ANO10: variants seen among roughly 807,000 people sequenced by gnomAD.
ANO10 encodes the protein anoctamin 10, also known as anoctamin-10.
In ANO10, 77 loss-of-function variants were observed where a neutral mutation model predicts 74.7. The observed-to-expected ratio is 1.03, with a 90% CI of 0.86 to 1.25. The LOEUF (loss-of-function observed/expected upper bound fraction) is 1.25, where lower values mean the gene tolerates loss of function less well. Among genes scored for constraint, ANO10 ranks in the 50% most tolerant of loss-of-function variants. The pLI is 0.00. For synonymous variants in ANO10, 279 were observed against 284.9 expected (o/e 0.98, Z 0.21); for missense variants, 721 against 778.1 (o/e 0.93, Z 0.87).
At chr3:43,514,019 A>G (rs1221062006) in intron 11 of ANO10, among the ~76,000 whole-genome samples, 2 of 150,418 alleles carry the variant, frequency 1.3e-5, no homozygotes, top group African/African-American at 4.9e-5. Flanking sequence ...TATATTAGAA[A>G]TAGCATATTA....
intron 1 of ANO10, among the ~76,000 whole-genome samples, chr3:43,635,578 A>C (rs1319061778): frequency 6.6e-6 from 1 of 151,292 alleles, no homozygotes; most frequent in Non-Finnish European, 1.5e-5. Context: ...CTGACATTAT[A>C]GTTTTGGTTT....
chr3:43,446,448 C>G (rs1378971051), intron 11 of ANO10, among the ~76,000 whole-genome samples: 1 of 151,908 alleles, frequency 6.6e-6, no homozygotes, highest in Non-Finnish European at 1.5e-5. Flanking sequence ...GAGTTTGTAA[C>G]AAAAAAGAGT....
At chr3:43,507,757 T>C (rs925677146) in intron 11 of ANO10, among the ~76,000 whole-genome samples, 2 of 152,082 alleles carry the variant, frequency 1.3e-5, no homozygotes, top group East Asian at 1.9e-4. Flanking sequence ...CTGTGGGTTC[T>C]AGGGGGCCGT....
At chr3:43,532,394 T>C (rs1369159369) in intron 11 of ANO10, among the ~76,000 whole-genome samples, 7 of 152,212 alleles carry the variant, frequency 4.6e-5, no homozygotes, top group African/African-American at 1.2e-4. Context: ...GGTGTATACA[T>C]GCAGGGAGGA....
intron 11 of ANO10, among the ~76,000 whole-genome samples, chr3:43,488,044 A>G (rs2076567040): frequency 2.0e-5 from 3 of 152,120 alleles, no homozygotes; most frequent in Non-Finnish European, 4.4e-5. Flanking sequence ...TCTTTGAAAA[A>G]CCTGACAAAA....
chr3:43,498,935 C>T (rs1002883896), intron 11 of ANO10, among the ~76,000 whole-genome samples: 3 of 152,146 alleles, frequency 2.0e-5, no homozygotes, highest in East Asian at 1.9e-4. Flanking sequence ...TTCTGCAATG[C>T]GACAGTCTTG....
intron 11 of ANO10, among the ~76,000 whole-genome samples, chr3:43,457,828 A>G (rs2075202827): frequency 6.6e-6 from 1 of 152,214 alleles, no homozygotes; most frequent in Non-Finnish European, 1.5e-5. Context: ...TGTTCTGAGG[A>G]GCTGCCACTT....
intron 11 of ANO10, among the ~76,000 whole-genome samples, chr3:43,465,091 T>C (rs1480701923): frequency 6.6e-6 from 1 of 152,234 alleles, no homozygotes; most frequent in Non-Finnish European, 1.5e-5. Context: ...TGTGGTCATG[T>C]ACAGAGTAAA....
At chr3:43,482,031 T>C (rs1335193169) in intron 11 of ANO10, among the ~76,000 whole-genome samples, 1 of 150,922 alleles carries the variant, frequency 6.6e-6, no homozygotes, top group Non-Finnish European at 1.5e-5. Context: ...TGGGTTTAAG[T>C]AATTCTCCTG....
chr3:43,682,780 G>C (rs1302373025), intron 1 of ANO10, among the ~76,000 whole-genome samples: 1 of 152,086 alleles, frequency 6.6e-6, no homozygotes, highest in Non-Finnish European at 1.5e-5. Flanking sequence ...TTCAACATAC[G>C]CAAATCAATA....
intron 12 of ANO10, among the ~76,000 whole-genome samples, chr3:43,370,167 G>A (rs1246125198): frequency 1.3e-5 from 2 of 152,174 alleles, no homozygotes; most frequent in African/African-American, 2.4e-5. Flanking sequence ...CACCCTCCCC[G>A]ATGGGGAAGT....
At chr3:43,557,635 T>A (rs887489142) in intron 9 of ANO10, among the ~76,000 whole-genome samples, 9 of 146,792 alleles carry the variant, frequency 6.1e-5, no homozygotes, top group Non-Finnish European at 1.3e-4. Context: ...TTTGGGAGGC[T>A]GAGGCAGGAG....
intron 1 of ANO10, among the ~76,000 whole-genome samples, chr3:43,620,794 G>A (rs1180619304): frequency 6.6e-6 from 1 of 152,178 alleles, no homozygotes; most frequent in East Asian, 1.9e-4. Flanking sequence ...AAGTTTCAGT[G>A]GGTTTAAGTG....
intron 11 of ANO10, among the ~76,000 whole-genome samples, chr3:43,462,432 T>C (rs1208842594): frequency 6.6e-6 from 1 of 152,114 alleles, no homozygotes; most frequent in Non-Finnish European, 1.5e-5. Flanking sequence ...GGTTTTGCCA[T>C]GTTGGTCAGG....
At chr3:43,507,529 T>C (rs750377456) in intron 11 of ANO10, among the ~76,000 whole-genome samples, 7 of 151,936 alleles carry the variant, frequency 4.6e-5, no homozygotes, top group Non-Finnish European at 1.0e-4. Flanking sequence ...CAGTCAGCAC[T>C]GCCTGGATGC....
chr3:43,545,879 T>C (rs928089606), intron 11 of ANO10, among the ~76,000 whole-genome samples: 1 of 152,224 alleles, frequency 6.6e-6, no homozygotes, highest in Non-Finnish European at 1.5e-5. Context: ...TTTAACATGA[T>C]TTTACAAACT....
rs1274367981 is a variant in ANO10 at position 43,526,671 on chromosome 3, T to C, written c.1797+23049A>G. ...TAAAACGTCCTATGTCTTATGAATA[T>C]GTTCACTTCTTGACACTTCATTCAG... is the stretch of plus-strand genomic sequence containing the variant. On this transcript the variant is annotated intron_variant, in intron 11 of 12. Coordinates refer to ENST00000292246, the MANE Select transcript of ANO10 (RefSeq NM_018075.5). 2.6e-5 allele frequency among the ~76,000 whole-genome samples: 4 copies of C among 152,212 alleles called. 1 individual carries two copies. The South Asian group carries it at 8.3e-4, about 32-fold the overall frequency.
intron 5 of ANO10, among the ~76,000 whole-genome samples, chr3:43,577,482 G>C (rs2081068387): frequency 6.6e-6 from 1 of 152,000 alleles, no homozygotes; most frequent in African/African-American, 2.4e-5. Context: ...GGCCTTAGCT[G>C]GGGGGTGTGC....
intron 1 of ANO10, among the ~76,000 whole-genome samples, chr3:43,659,698 T>G (rs542508665): frequency 6.6e-6 from 1 of 152,318 alleles, no homozygotes; most frequent in African/African-American, 2.4e-5. Flanking sequence ...TAAACGCCCC[T>G]GCCTGACAGC....
Sources: gnomAD v4.1 joint callset for allele counts (sites outside exome capture counted in the v4.1 genomes callset) on GRCh38, gnomAD v4.1.1 for gene constraint, MANE v1.5 for transcripts, NCBI Gene and HGNC (gene_info 2026-07-23, HGNC 2026-07-21) for gene names.